The following PKIB variants were observed in gnomAD, a reference collection of about 807,000 sequenced individuals.
PKIB encodes the protein cAMP-dependent protein kinase inhibitor beta.
PKIB carries 2 observed loss-of-function variants against 4.5 expected under a neutral mutation model. The ratio of observed to expected loss-of-function variants is 0.44; its 90% CI spans 0.18 to 1.39. PKIB has a LOEUF of 1.39. Ranked by LOEUF, PKIB falls within the 40% of genes most tolerant of loss-of-function variation. The pLI, the probability that PKIB is intolerant of heterozygous loss-of-function variation, is 0.27. For missense variants in PKIB, 94 were observed against 92.6 expected (o/e 1.02, Z -0.06); for synonymous variants, 38 against 36.0 (o/e 1.06, Z -0.20).
At chr6:122,473,846 T>C (rs1447127898) in intron 1 of PKIB, among the ~76,000 whole-genome samples, 1 of 152,216 alleles carries the variant, frequency 6.6e-6, no homozygotes, top group Non-Finnish European at 1.5e-5. Context: ...AAAAACATTC[T>C]ATCTAGCTGA....
chr6:122,572,898 A>G (rs539698643), intron 2 of PKIB, among the ~76,000 whole-genome samples: 1 of 152,186 alleles, frequency 6.6e-6, no homozygotes, highest in Admixed American at 6.5e-5. Context: ...TCCTGGAAAC[A>G]TGTAATTCTC....
intron 2 of PKIB, among the ~76,000 whole-genome samples, chr6:122,635,129 C>CAT (rs10667756): frequency 0.99 from 150,187 of 152,232 alleles, 74,109 homozygotes; most frequent in Middle Eastern, 1. Context: ...TTAAAACTAA[C>CAT]ATAAAATAAT....
chr6:122,527,298 G>A (rs9388084), intron 2 of PKIB, among the ~76,000 whole-genome samples: 21,148 of 151,824 alleles, frequency 0.14, 1,582 homozygotes, highest in East Asian at 0.26. Context: ...AGCACTTTTC[G>A]TTTTTTATAA....
chr6:122,622,584 T>C (rs1053314754), intron 1 of PKIB, among the ~76,000 whole-genome samples: 39 of 152,258 alleles, frequency 2.6e-4, no homozygotes, highest in African/African-American at 9.1e-4. Context: ...GGGGGTGCAC[T>C]GGGAACAGCT....
At chr6:122,540,583 G>T (rs1777564003) in intron 2 of PKIB, among the ~76,000 whole-genome samples, 1 of 151,852 alleles carries the variant, frequency 6.6e-6, no homozygotes, top group Admixed American at 6.6e-5. Flanking sequence ...CATTTGCTGA[G>T]GAGTGCTTTA....
chr6:122,629,956 G>A (rs913512477), intron 1 of PKIB, among the ~76,000 whole-genome samples: 4 of 152,110 alleles, frequency 2.6e-5, no homozygotes, highest in African/African-American at 9.7e-5. Context: ...GAGATATCAG[G>A]TATGGGATTT....
intron 2 of PKIB, among the ~76,000 whole-genome samples, chr6:122,525,623 C>G (rs1777072783): frequency 6.6e-6 from 1 of 152,048 alleles, no homozygotes; most frequent in Admixed American, 6.6e-5. Context: ...GTCAAATGTG[C>G]AATAATATTA....
At chr6:122,551,222 C>G (rs995285743) in intron 2 of PKIB, among the ~76,000 whole-genome samples, 12 of 152,202 alleles carry the variant, frequency 7.9e-5, no homozygotes, top group Non-Finnish European at 1.3e-4. Flanking sequence ...CCTGGTTACT[C>G]TTTAATTTCT....
At chr6:122,559,447 TTATAG>T (rs1265973721) in intron 2 of PKIB, among the ~76,000 whole-genome samples, 5 of 152,148 alleles carry the variant, frequency 3.3e-5, no homozygotes, top group African/African-American at 1.2e-4. Context: ...GACTATGGCC[TTATAG>T]TATAGTTTGA....
intron 2 of PKIB, among the ~76,000 whole-genome samples, chr6:122,502,364 C>A (rs1429845583): frequency 6.6e-6 from 1 of 151,744 alleles, no homozygotes; most frequent in Non-Finnish European, 1.5e-5. Context: ...AAAGACATAC[C>A]TGAGCCTGGG....
chr6:122,655,984 T>G (rs1776763177), intron 2 of PKIB, among the ~76,000 whole-genome samples: 1 of 152,114 alleles, frequency 6.6e-6, no homozygotes. Context: ...GGTAACCATA[T>G]TATATTTTTG....
At chr6:122,496,834 T>C (rs775027386) in intron 2 of PKIB, among the ~76,000 whole-genome samples, 6 of 152,176 alleles carry the variant, frequency 3.9e-5, no homozygotes, top group Non-Finnish European at 7.3e-5. Context: ...TTTCCTAATC[T>C]TGCTAGAGAT....
intron 2 of PKIB, among the ~76,000 whole-genome samples, chr6:122,662,764 A>C (rs1243451852): frequency 6.6e-6 from 1 of 152,204 alleles, no homozygotes; most frequent in Non-Finnish European, 1.5e-5. Flanking sequence ...TAAAATTATT[A>C]CTGTCACTTT....
chr6:122,574,048 G>A (rs1206331603), intron 2 of PKIB, among the ~76,000 whole-genome samples: 1 of 151,968 alleles, frequency 6.6e-6, no homozygotes, highest in Admixed American at 6.6e-5. Flanking sequence ...AAAAGCTCCT[G>A]CATTTGATAA....
At chr6:122,667,006 G>A (rs888287433) in intron 2 of PKIB, among the ~76,000 whole-genome samples, 1 of 151,980 alleles carries the variant, frequency 6.6e-6, no homozygotes, top group South Asian at 2.1e-4. Context: ...AATGCATCTA[G>A]AAAGTCATGG....
At chr6:122,579,694 G>A (rs1278485829) in intron 2 of PKIB, among the ~76,000 whole-genome samples, 2 of 152,078 alleles carry the variant, frequency 1.3e-5, no homozygotes, top group Non-Finnish European at 2.9e-5. Flanking sequence ...TTACTCTCTA[G>A]TATTTTCTCT....
Position 122,610,414 on chromosome 6 carries a change from C to G in PKIB, c.-282C>G, listed in dbSNP as rs1255940805. On this transcript the variant is annotated 5_prime_UTR_variant, in exon 1 of 5. Transcript: ENST00000368452. ...CCCAGCCCAGTAGCTCAGACGCGGC[C>G]GCATCCCGGTGGACTGTAGAGGCGG... 1 of 152,208 alleles carries G rather than the reference C, an allele frequency of 6.6e-6. No individual in the cohort carries two copies. The highest frequency in any genetic ancestry group is 1.9e-4 in the East Asian group (1 of 5,156). 9.4% of individuals were successfully genotyped at this position (152,208 alleles called of 1,614,324 possible).
At chr6:122,658,532 AT>A (rs1582784149) in intron 2 of PKIB, among the ~76,000 whole-genome samples, 1 of 152,016 alleles carries the variant, frequency 6.6e-6, no homozygotes, top group Admixed American at 6.6e-5. Context: ...TTATACTCTT[AT>A]TTTTTGTATT....
upstream of PKIB, chr6:122,610,215 G>T (rs1005410252): frequency 2.6e-5 from 4 of 152,232 alleles, no homozygotes; most frequent in African/African-American, 9.7e-5. Flanking sequence ...AAAAGAGCTC[G>T]CCCCAGGCTG....
Sources: allele counts gnomAD v4.1 joint callset (sites outside exome capture counted in the v4.1 genomes callset), GRCh38; gene constraint gnomAD v4.1.1; transcripts MANE v1.5; gene names NCBI Gene and HGNC (gene_info 2026-07-23, HGNC 2026-07-21).